The following WNK3 variants were observed in gnomAD, a reference collection of about 807,000 sequenced individuals.
WNK3 encodes the protein WNK lysine deficient protein kinase 3.
In WNK3, 18 loss-of-function variants were observed where a neutral mutation model predicts 116.7. The ratio of observed to expected loss-of-function variants is 0.15; its 90% CI spans 0.11 to 0.23. The LOEUF (loss-of-function observed/expected upper bound fraction) is 0.23, where lower values mean the gene tolerates loss of function less well. Ranked by LOEUF, WNK3 falls within the 10% of genes least tolerant of loss-of-function variation. The pLI is 1.00. For synonymous variants in WNK3, 404 were observed against 469.4 expected, an observed-to-expected ratio of 0.86 and a Z score of 1.80; for missense variants, 993 against 1,323.8, an observed-to-expected ratio of 0.75 and a Z score of 3.88.
intron 10 of WNK3, among the ~76,000 whole-genome samples, chrX:54,264,973 G>C (rs1328326984): frequency 9.9e-5 from 11 of 110,872 alleles, no homozygotes; most frequent in African/African-American, 3.3e-4. Flanking sequence ...AAATGAGCAA[G>C]GATGCAGACA....
intron 22 of WNK3, among the ~76,000 whole-genome samples, chrX:54,224,656 G>A (rs989700274): frequency 1.3e-4 from 14 of 106,125 alleles, no homozygotes; most frequent in Non-Finnish European, 2.3e-4. Flanking sequence ...TGCAAGCTCC[G>A]CCTCCCGGGT....
intron 10 of WNK3, among the ~76,000 whole-genome samples, chrX:54,260,537 C>T (rs1386795570): frequency 9.0e-6 from 1 of 111,277 alleles, no homozygotes; most frequent in Non-Finnish European, 1.9e-5. Flanking sequence ...GTTATTAATG[C>T]TACTTTGTGC....
At chrX:54,206,824 G>A (rs1470077934) in intron 22 of WNK3, among the ~76,000 whole-genome samples, 1 of 111,712 alleles carries the variant, frequency 9.0e-6, no homozygotes, top group Non-Finnish European at 1.9e-5. Flanking sequence ...GAGGTCAGAA[G>A]TTCGACACCA....
chrX:54,277,419 C>A (rs1370688252), intron 10 of WNK3, among the ~76,000 whole-genome samples: 1 of 108,297 alleles, frequency 9.2e-6, no homozygotes, highest in Non-Finnish European at 1.9e-5. Flanking sequence ...CTCACTGCAA[C>A]CTCCGCCTCC....
At chrX:54,346,210 G>A (rs2069424442) in intron 1 of WNK3, among the ~76,000 whole-genome samples, 1 of 82,940 alleles carries the variant, frequency 1.2e-5, no homozygotes, top group African/African-American at 4.8e-5. Context: ...CACCTTGGGT[G>A]TTGAATATTT....
intron 2 of WNK3, among the ~76,000 whole-genome samples, chrX:54,321,326 T>A (rs2069030958): frequency 8.9e-6 from 1 of 112,042 alleles, no homozygotes; most frequent in East Asian, 2.8e-4. Flanking sequence ...AGGCTCCAGT[T>A]AAACTATCTG....
At chrX:54,266,521 T>C (rs1193146841) in intron 10 of WNK3, among the ~76,000 whole-genome samples, 1 of 110,833 alleles carries the variant, frequency 9.0e-6, no homozygotes, top group African/African-American at 3.3e-5. Flanking sequence ...TTATGCATTG[T>C]ATGCCTGTAT....
chrX:54,238,935 T>C (rs782254593), exon 18 of WNK3: 3 of 1,205,509 alleles, frequency 2.5e-6, no homozygotes, highest in Non-Finnish European at 3.4e-6. Flanking sequence ...AGCTTTTTAA[T>C]TTGCGAGTCC....
At chrX:54,222,325 A>G (rs781834040) in intron 22 of WNK3, among the ~76,000 whole-genome samples, 1 of 110,186 alleles carries the variant, frequency 9.1e-6, no homozygotes, top group Non-Finnish European at 1.9e-5. Context: ...GCTGGGTAGG[A>G]GGATTGCTTA....
exon 20 of WNK3, chrX:54,237,275 A>G (rs782198665): frequency 8.3e-7 from 1 of 1,212,002 alleles, no homozygotes; most frequent in South Asian, 1.8e-5. Flanking sequence ...GTCACTGAAG[A>G]TACATCAGTC....
At chrX:54,331,220 T>C (rs782310048) in intron 2 of WNK3, among the ~76,000 whole-genome samples, 6 of 107,770 alleles carry the variant, frequency 5.6e-5, no homozygotes, top group East Asian at 2.9e-4. Context: ...AACTTAAAAT[T>C]TGGAAATCAA....
At chrX:54,230,955 G>A (rs782743104) in intron 21 of WNK3, among the ~76,000 whole-genome samples, 78 of 112,584 alleles carry the variant, frequency 6.9e-4, no homozygotes, top group African/African-American at 2.5e-3. Flanking sequence ...GCCAGGCAAT[G>A]GGCTCTGACC....
intron 22 of WNK3, among the ~76,000 whole-genome samples, chrX:54,215,270 T>C (rs1224291727): frequency 3.6e-5 from 4 of 110,931 alleles, no homozygotes; most frequent in East Asian, 5.8e-4. Context: ...GCCGCCATCT[T>C]GGCTCACGGC....
intron 6 of WNK3, among the ~76,000 whole-genome samples, chrX:54,299,020 T>C (rs781932755): frequency 7.7e-4 from 86 of 112,133 alleles, no homozygotes; most frequent in African/African-American, 2.8e-3. Context: ...AGTATACATA[T>C]AACAGATACA....
At chrX:54,332,904 C>A (rs781856608) in intron 2 of WNK3, among the ~76,000 whole-genome samples, 1 of 108,917 alleles carries the variant, frequency 9.2e-6, no homozygotes, top group Non-Finnish European at 1.9e-5. Context: ...AAAAACAAAG[C>A]CATGATAGAT....
intron 10 of WNK3, among the ~76,000 whole-genome samples, chrX:54,283,088 T>G (rs1290656621): frequency 6.3e-5 from 7 of 111,460 alleles, no homozygotes; most frequent in African/African-American, 2.3e-4. Context: ...GGTCTAAGTA[T>G]CCAGAATATA....
chrX:54,256,828 C>A (rs1215187974), intron 11 of WNK3, among the ~76,000 whole-genome samples: 1 of 111,930 alleles, frequency 8.9e-6, no homozygotes, highest in African/African-American at 3.2e-5. Flanking sequence ...TTTTTAAATA[C>A]ACAGAGAAAT....
chrX:54,286,912 CAAAA>C (rs375601596), intron 10 of WNK3, among the ~76,000 whole-genome samples: 1 of 71,000 alleles, frequency 1.4e-5, no homozygotes, highest in African/African-American at 5.1e-5. Flanking sequence ...GACCCCATCT[CAAAA>C]AAAAAAAAAA....
At position 54,333,802 on chromosome X, in the gene WNK3, G is replaced by A; in HGVS notation, c.-119-10C>T. On this transcript the variant is annotated splice_polypyrimidine_tract_variant and intron_variant, in intron 1 of 23. Coordinates refer to ENST00000354646, the Ensembl canonical transcript of WNK3. ...GTATTTCCATAGCAACCTGAAGGGGGGGAAAAAGATATTTTAAAATCACCC... is the reference window on the plus strand; with the variant it reads ...GTATTTCCATAGCAACCTGAAGGGGAGGAAAAAGATATTTTAAAATCACCC... 6.6e-6 allele frequency: 3 copies of A among 455,137 alleles called. No homozygotes were observed. Among genetic ancestry groups the A allele is most frequent in the South Asian group, 4.5e-5 (1 of 22,240 alleles). The allele number at this position is 455,137 out of a possible 1,213,427, so 37.5% of individuals were successfully genotyped here.
Sources: gnomAD v4.1 joint callset for allele counts (sites outside exome capture counted in the v4.1 genomes callset) on GRCh38, gnomAD v4.1.1 for gene constraint, MANE v1.5 for transcripts, NCBI Gene and HGNC (gene_info 2026-07-23, HGNC 2026-07-21) for gene names.